CRISP1: variants seen among roughly 807,000 people sequenced by gnomAD.
CRISP1 encodes the protein cysteine rich secretory protein 1.
Under a neutral mutation model 33.1 loss-of-function variants are expected in CRISP1, and 44 were observed. The observed-to-expected ratio is 1.33, with a 90% CI of 1.05 to 1.71. CRISP1 has a LOEUF of 1.71. Among genes scored for constraint, CRISP1 ranks in the 40% most tolerant of loss-of-function variants. The pLI is 0.00. For missense variants in CRISP1, 390 were observed against 301.2 expected, an observed-to-expected ratio of 1.29 and a Z score of -2.18; for synonymous variants, 103 against 98.7, an observed-to-expected ratio of 1.04 and a Z score of -0.26.
chr6:49,859,751 C>T (rs930838182), intron 1 of CRISP1, among the ~76,000 whole-genome samples: 2 of 151,982 alleles, frequency 1.3e-5, no homozygotes, highest in African/African-American at 2.4e-5. Flanking sequence ...AATCAACTAA[C>T]AAAATGACAT....
intron 7 of CRISP1, among the ~76,000 whole-genome samples, chr6:49,837,456 T>TC (rs964342772): frequency 1.3e-5 from 2 of 149,776 alleles, no homozygotes; most frequent in African/African-American, 2.4e-5. Context: ...TTTTTTTTTT[T>TC]CCCGGTGGGG....
At chr6:49,839,036 G>C (rs1044202061) in intron 6 of CRISP1, among the ~76,000 whole-genome samples, 2 of 151,942 alleles carry the variant, frequency 1.3e-5, no homozygotes, top group African/African-American at 4.8e-5. Flanking sequence ...TGAAAGAGAT[G>C]GTGTATATAA....
chr6:49,852,330 T>C (rs1394754992), intron 2 of CRISP1, among the ~76,000 whole-genome samples: 3 of 152,174 alleles, frequency 2.0e-5, no homozygotes, highest in Non-Finnish European at 4.4e-5. Context: ...CAGGCTGACA[T>C]CACATTAGTC....
At chr6:49,845,024 G>C (rs993059375) in intron 5 of CRISP1, among the ~76,000 whole-genome samples, 1 of 152,074 alleles carries the variant, frequency 6.6e-6, no homozygotes, top group Admixed American at 6.6e-5. Flanking sequence ...TTTTGCATGT[G>C]AGGAAAAAAT....
chr6:49,848,155 T>C, intron 4 of CRISP1, 54 bp downstream of exon 4: 1 of 1,012,532 alleles, frequency 9.9e-7, no homozygotes, highest in Non-Finnish European at 1.5e-6. Flanking sequence ...AATCCCTGTT[T>C]TACTATTTTT....
At chr6:49,865,700 G>A (rs907856604) in intron 1 of CRISP1, among the ~76,000 whole-genome samples, 1 of 152,054 alleles carries the variant, frequency 6.6e-6, no homozygotes, top group Non-Finnish European at 1.5e-5. Flanking sequence ...AGGGAGTGAG[G>A]GAGCAGGAAG....
At chr6:49,871,637 A>C (rs1210092297) in intron 1 of CRISP1, among the ~76,000 whole-genome samples, 1 of 141,138 alleles carries the variant, frequency 7.1e-6, no homozygotes, top group African/African-American at 2.7e-5. Flanking sequence ...CCTATGAGTG[A>C]GAACACGTGG....
chr6:49,860,362 T>C (rs540939070), intron 1 of CRISP1, among the ~76,000 whole-genome samples: 2 of 152,292 alleles, frequency 1.3e-5, no homozygotes, highest in Non-Finnish European at 2.9e-5. Flanking sequence ...ATGGACCATA[T>C]GTTACAAAAC....
chr6:49,850,614 C>G (rs1582269823), intron 3 of CRISP1, among the ~76,000 whole-genome samples: 1 of 152,180 alleles, frequency 6.6e-6, no homozygotes, highest in South Asian at 2.1e-4. Context: ...GTTTGTGGAG[C>G]AGCTGAACTC....
chr6:49,846,716 A>T (rs1771186254), intron 4 of CRISP1, 48 bp from the exon 5 acceptor site: 1 of 1,576,806 alleles, frequency 6.3e-7, no homozygotes, highest in African/African-American at 1.4e-5. Flanking sequence ...AATGGGAAAT[A>T]GTATACAAGG....
At chr6:49,868,846 C>T (rs1239246538), upstream of CRISP1, among the ~76,000 whole-genome samples, 1 of 152,150 alleles carries the variant, frequency 6.6e-6, no homozygotes, top group Non-Finnish European at 1.5e-5. Context: ...CCAAAAAGTA[C>T]TCTAGACTTT....
upstream of CRISP1, among the ~76,000 whole-genome samples, chr6:49,869,178 T>A (rs773301139): frequency 3.3e-5 from 5 of 152,176 alleles, no homozygotes; most frequent in Non-Finnish European, 5.9e-5. Context: ...TTGATTGCAA[T>A]CAGTTGTCAG....
In CRISP1 at chr6:49,846,588, A is replaced by G; in HGVS notation, c.367T>C (p.Ser123Pro). 6.2e-7 allele frequency: 1 copy of G among 1,613,524 alleles called. No homozygotes were observed. Among genetic ancestry groups the G allele is most frequent in the Non-Finnish European group, 8.5e-7 (1 of 1,179,678 alleles). ...SSVIGVWYSE[S>P]TSFKHGEWTT... ...CATTCTCCATGTTTGAAACTTGTAG[A>G]CTCACTGTACCAGACTCCAATTACA... The change falls in exon 5 of 8, where the codon TCT becomes CCT. Residue 123 changes from serine (S) to proline (P), a missense_variant. By Grantham distance (74) the Ser-to-Pro change is moderately conservative (BLOSUM62 -1). Coordinates refer to ENST00000335847, the MANE Select transcript of CRISP1 (RefSeq NM_001131.3).
chr6:49,835,910 C>T (rs1265207730), intron 7 of CRISP1, among the ~76,000 whole-genome samples: 1 of 152,092 alleles, frequency 6.6e-6, no homozygotes, highest in Non-Finnish European at 1.5e-5. Context: ...CTCCATCCAC[C>T]CAGAGGTTAT....
At chr6:49,845,689 A>G (rs1771139943) in intron 5 of CRISP1, among the ~76,000 whole-genome samples, 2 of 137,184 alleles carry the variant, frequency 1.5e-5, no homozygotes, top group African/African-American at 5.6e-5. Flanking sequence ...TATTTAAAGC[A>G]GTATTATTCA....
intron 1 of CRISP1, among the ~76,000 whole-genome samples, chr6:49,875,708 C>G (rs529998237): frequency 2.7e-4 from 41 of 152,202 alleles, no homozygotes; most frequent in South Asian, 1.0e-3. Context: ...GATACATAGA[C>G]CAGTGGAACA....
intron 7 of CRISP1, among the ~76,000 whole-genome samples, chr6:49,838,009 A>G (rs1316257471): frequency 6.6e-6 from 1 of 152,160 alleles, no homozygotes; most frequent in Non-Finnish European, 1.5e-5. Flanking sequence ...ATTGCATGCC[A>G]CAATAAGTGG....
At chr6:49,842,616 C>T (rs1290037716) in intron 5 of CRISP1, among the ~76,000 whole-genome samples, 2 of 152,160 alleles carry the variant, frequency 1.3e-5, no homozygotes, top group African/African-American at 4.8e-5. Context: ...CTGTCATGGG[C>T]TTACTCACCT....
intron 2 of CRISP1, among the ~76,000 whole-genome samples, chr6:49,853,512 C>T (rs1771410653): frequency 6.6e-6 from 1 of 152,100 alleles, no homozygotes; most frequent in Non-Finnish European, 1.5e-5. Context: ...CTCCTTCAGT[C>T]CTCTTTATCC....
Sources: gnomAD v4.1 joint callset for allele counts (sites outside exome capture counted in the v4.1 genomes callset) on GRCh38, gnomAD v4.1.1 for gene constraint, MANE v1.5 for transcripts, NCBI Gene and HGNC (gene_info 2026-07-23, HGNC 2026-07-21) for gene names.